Variants in IPO11 observed in about 807,000 individuals in gnomAD.
The protein encoded by IPO11 is importin 11.
In IPO11, 66 loss-of-function variants were observed where a neutral mutation model predicts 143.2. The ratio of observed to expected loss-of-function variants is 0.46; its 90% CI spans 0.38 to 0.57. The LOEUF is 0.57. Among genes scored for constraint, IPO11 ranks in the 20% least tolerant of loss-of-function variants. The probability of loss-of-function intolerance (pLI) is 0.00; values close to 1 mark genes in which losing one functional copy is unlikely to be tolerated. For missense variants in IPO11, 1,026 were observed against 1,141.0 expected, an observed-to-expected ratio of 0.90 and a Z score of 1.45; for synonymous variants, 385 against 377.8, an observed-to-expected ratio of 1.02 and a Z score of -0.22.
intron 24 of IPO11, among the ~76,000 whole-genome samples, chr5:62,546,783 A>T (rs1743212033): frequency 6.6e-6 from 1 of 152,180 alleles, no homozygotes; most frequent in Admixed American, 6.6e-5. Flanking sequence ...GCATTCCATT[A>T]AAAAGAAATG....
chr5:62,492,255 C>A (rs1746644702), intron 15 of IPO11, among the ~76,000 whole-genome samples: 1 of 151,898 alleles, frequency 6.6e-6, no homozygotes, highest in Admixed American at 6.6e-5. Context: ...GGTCTTAGTC[C>A]CAAAATTGAT....
chr5:62,526,749 A>G (rs143993137), intron 21 of IPO11: 63 of 153,432 alleles, frequency 4.1e-4, no homozygotes, highest in African/African-American at 1.4e-3. Context: ...TCGGTGCTAC[A>G]AAGGCTTATT....
At chr5:62,442,289 G>A (rs1022112899) in intron 2 of IPO11, among the ~76,000 whole-genome samples, 1 of 152,028 alleles carries the variant, frequency 6.6e-6, no homozygotes, top group African/African-American at 2.4e-5. Context: ...TTCTAATTTG[G>A]AAGTTATATA....
chr5:62,479,098 C>A (rs1746082890), intron 9 of IPO11, among the ~76,000 whole-genome samples: 1 of 152,086 alleles, frequency 6.6e-6, no homozygotes, highest in Non-Finnish European at 1.5e-5. Flanking sequence ...TCCACCACCC[C>A]ACGGCAGGCC....
At chr5:62,498,516 T>A (rs544393381) in intron 16 of IPO11, among the ~76,000 whole-genome samples, 1 of 152,210 alleles carries the variant, frequency 6.6e-6, no homozygotes, top group African/African-American at 2.4e-5. Context: ...AGAATCTTTG[T>A]TTATAAACTG....
chr5:62,460,838 A>G (rs1191627963), intron 5 of IPO11, among the ~76,000 whole-genome samples: 1 of 152,008 alleles, frequency 6.6e-6, no homozygotes, highest in Admixed American at 6.6e-5. Context: ...AGAAAAAAAT[A>G]TTTTTATTTC....
At chr5:62,578,137 T>TA (rs751131827) in intron 27 of IPO11, among the ~76,000 whole-genome samples, 26 of 152,254 alleles carry the variant, frequency 1.7e-4, no homozygotes, top group Non-Finnish European at 3.1e-4. Flanking sequence ...CCTATGTCAG[T>TA]AAGTTGGTAT....
At chr5:62,583,600 A>T (rs1744647849) in intron 27 of IPO11, among the ~76,000 whole-genome samples, 2 of 152,112 alleles carry the variant, frequency 1.3e-5, no homozygotes, top group Admixed American at 6.6e-5. Context: ...ATTTCCTTTT[A>T]AAAAATTTTT....
intron 8 of IPO11, among the ~76,000 whole-genome samples, chr5:62,474,722 C>T (rs1745894629): frequency 6.6e-6 from 1 of 152,146 alleles, no homozygotes; most frequent in African/African-American, 2.4e-5. Flanking sequence ...TAGCTTTTGC[C>T]TCATATACAG....
chr5:62,495,202 C>A (rs114804754), intron 16 of IPO11, among the ~76,000 whole-genome samples: 1 of 152,166 alleles, frequency 6.6e-6, no homozygotes, highest in Non-Finnish European at 1.5e-5. Flanking sequence ...TGGGAAGTTA[C>A]AAGAGAGCCT....
intron 29 of IPO11, among the ~76,000 whole-genome samples, chr5:62,620,890 C>CGGATGGTGGGT: frequency 6.6e-6 from 1 of 152,240 alleles, no homozygotes; most frequent in African/African-American, 2.4e-5. Context: ...TCCATTCAAA[C>CGGATGGTGGGT]GGATGGTGGG....
chr5:62,591,545 A>C, intron 27 of IPO11, 32 bp from the exon 28 acceptor site: 2 of 1,222,620 alleles, frequency 1.6e-6, no homozygotes, highest in Non-Finnish European at 2.4e-6. Flanking sequence ...CTAGTATTCC[A>C]GTTAACCTGT....
chr5:62,416,219 G>T (rs1580150216), intron 1 of IPO11, among the ~76,000 whole-genome samples: 1 of 110,438 alleles, frequency 9.1e-6, no homozygotes, highest in Admixed American at 1.3e-4. Context: ...CCTCGCTCTT[G>T]TCTCCCAGGC....
intron 7 of IPO11, among the ~76,000 whole-genome samples, chr5:62,472,128 C>T (rs955559826): frequency 5.3e-5 from 8 of 152,126 alleles, no homozygotes; most frequent in Non-Finnish European, 4.4e-5. Flanking sequence ...TTGTTTTATT[C>T]GCTGTGACTC....
At chr5:62,458,202 TA>T (rs1745232446) in intron 5 of IPO11, among the ~76,000 whole-genome samples, 1 of 152,104 alleles carries the variant, frequency 6.6e-6, no homozygotes. Context: ...CAAATAGGTT[TA>T]ATAGATCTTA....
chr5:62,567,832 G>C (rs1580333304), intron 27 of IPO11, among the ~76,000 whole-genome samples: 1 of 151,544 alleles, frequency 6.6e-6, no homozygotes, highest in East Asian at 1.9e-4. Flanking sequence ...AAAGTGCTGG[G>C]ATTACAGGCG....
chr5:62,449,935 CAGA>C lies in IPO11; in HGVS notation c.249_251del (p.Glu86del). ...CTTTTTTTTTTTTACAGTGCTCTCT[CAGA>C]GGAGGAGAAAACTACTCTGCGTGCA... On this transcript the variant is annotated inframe_deletion, in exon 4 of 30. Transcript: ENST00000325324. 1 of 1,575,364 alleles carries C rather than the reference CAGA, an allele frequency of 6.3e-7. No individual in the cohort carries two copies. The highest frequency in any genetic ancestry group is 8.6e-7 in the Non-Finnish European group (1 of 1,162,182).
intron 1 of IPO11, among the ~76,000 whole-genome samples, chr5:62,416,510 G>T (rs190597456): frequency 8.7e-4 from 133 of 152,050 alleles, no homozygotes; most frequent in African/African-American, 3.0e-3. Context: ...AATGGCATCA[G>T]TTATATTGGT....
intron 20 of IPO11, among the ~76,000 whole-genome samples, chr5:62,515,963 TGTG>T (rs1416269064): frequency 6.6e-6 from 1 of 152,190 alleles, no homozygotes; most frequent in East Asian, 1.9e-4. Context: ...GGTGTTGGGA[TGTG>T]GTAGCAGGTA....
Sources: allele counts gnomAD v4.1 joint callset (sites outside exome capture counted in the v4.1 genomes callset), GRCh38; gene constraint gnomAD v4.1.1; transcripts MANE v1.5; gene names NCBI Gene and HGNC (gene_info 2026-07-23, HGNC 2026-07-21).